The following OSBPL5 variants were observed in gnomAD, a reference collection of about 807,000 sequenced individuals.
OSBPL5 encodes oxysterol binding protein like 5.
OSBPL5 carries 71 observed loss-of-function variants against 111.2 expected under a neutral mutation model. That is an observed-to-expected ratio of 0.64 (90% CI 0.53 to 0.78). The LOEUF is 0.78. Among genes scored for constraint, OSBPL5 ranks in the 30% least tolerant of loss-of-function variants. The probability of loss-of-function intolerance (pLI) is 0.00; values close to 1 mark genes in which losing one functional copy is unlikely to be tolerated. For missense variants in OSBPL5, 1,210 were observed against 1,189.3 expected (o/e 1.02, Z -0.26); for synonymous variants, 549 against 513.9 (o/e 1.07, Z -0.93).
chr11:3,153,565 T>G (rs1308728691), intron 1 of OSBPL5, among the ~76,000 whole-genome samples: 1 of 152,170 alleles, frequency 6.6e-6, no homozygotes, highest in Non-Finnish European at 1.5e-5. Context: ...GCACCGTCGC[T>G]AGGGCTGAGG....
chr11:3,122,455 A>T, intron 3 of OSBPL5, 27 bp from the exon 4 acceptor site: 1 of 1,607,634 alleles, frequency 6.2e-7, no homozygotes, highest in Non-Finnish European at 8.5e-7. Flanking sequence ...GGTATGCGGG[A>T]CAGGGCACAG....
At position 3,093,680 on chromosome 11, in the gene OSBPL5, G is replaced by C. The variant is rs759085132; in HGVS notation, c.1810-17C>G. ...GTCCCTGTCCTGCCCCAGATGGCCAGCGGGGTCAGAGGCTGGCCTGGCGTT... is the reference window on the plus strand; with the variant it reads ...GTCCCTGTCCTGCCCCAGATGGCCACCGGGGTCAGAGGCTGGCCTGGCGTT... On this transcript the variant is annotated splice_polypyrimidine_tract_variant and intron_variant, in intron 16 of 21. Coordinates refer to ENST00000263650, the MANE Select transcript of OSBPL5 (RefSeq NM_020896.4). 2.5e-6 allele frequency: 4 copies of C among 1,613,168 alleles called. No individual in the cohort carries two copies. Among genetic ancestry groups the C allele is most frequent in the Non-Finnish European group, 3.4e-6 (4 of 1,179,910 alleles).
At chr11:3,131,838 T>C (rs1272732718) in intron 1 of OSBPL5, among the ~76,000 whole-genome samples, 3 of 53,798 alleles carry the variant, frequency 5.6e-5, no homozygotes, top group African/African-American at 2.3e-4. Context: ...CCCACTCATC[T>C]ATCCATCCAC....
intron 7 of OSBPL5, among the ~76,000 whole-genome samples, chr11:3,115,179 T>A (rs1858167653): frequency 6.6e-6 from 1 of 152,222 alleles, no homozygotes; most frequent in Non-Finnish European, 1.5e-5. Flanking sequence ...TTCTATACAC[T>A]GCAGAAGGTA....
chr11:3,108,959 G>T (rs1590661007), intron 7 of OSBPL5, among the ~76,000 whole-genome samples: 1 of 152,164 alleles, frequency 6.6e-6, no homozygotes, highest in South Asian at 2.1e-4. Flanking sequence ...GTAGAGACAG[G>T]GTTTCCTCAT....
At chr11:3,116,991 G>A (rs113092051) in intron 7 of OSBPL5, among the ~76,000 whole-genome samples, 2,507 of 152,090 alleles carry the variant, frequency 0.016, 77 homozygotes, top group African/African-American at 0.057. Context: ...GTATACTCCT[G>A]TGAACAAAAT....
In OSBPL5 at chr11:3,142,898, C is replaced by A. The variant is rs1846172533; in HGVS notation, c.-21-13729G>T. On this transcript the variant is annotated intron_variant, in intron 1 of 21. Transcript: ENST00000263650. This position sits in a 1 kb window ranked among gnomAD's most constrained non-coding sequence, Gnocchi z 7.1. The stretch of plus-strand genomic sequence containing the variant: ...AAAGGACAAAACCAGTCACCCAGGA[C>A]AGCGGACGGCACACGGGGTGGGGGT... Among the ~76,000 whole-genome samples the A allele has an allele frequency of 6.6e-6, 1 of 151,540 alleles. No homozygotes were observed. The highest frequency in any genetic ancestry group is 2.4e-5 in the African/African-American group (1 of 41,206).
chr11:3,143,259 C>G (rs976671397), intron 1 of OSBPL5, among the ~76,000 whole-genome samples: 1 of 141,160 alleles, frequency 7.1e-6, no homozygotes, highest in Non-Finnish European at 1.6e-5. Flanking sequence ...AGGTGCGGAG[C>G]GGGGCAGAGG....
chr11:3,108,870 G>A (rs1040311651), intron 7 of OSBPL5, among the ~76,000 whole-genome samples: 1 of 152,200 alleles, frequency 6.6e-6, no homozygotes. Flanking sequence ...CCGGGTTCAA[G>A]CGATTCTCCT....
rs774192603 is a variant in OSBPL5, at chr11:3,114,591, A to ACTTTTTTTTT, written c.691+4955_691+4956insAAAAAAAAAG. Among the ~76,000 whole-genome samples the ACTTTTTTTTT allele has an allele frequency of 1.0e-3, 116 of 113,904 alleles. 40 individuals carry two copies. The highest frequency in any genetic ancestry group is 3.6e-3 in the African/African-American group (102 of 28,412). 74.7% of individuals were successfully genotyped at this position (113,904 alleles called of 152,430 possible). ...GACTAAAGAATTGGTTAGAACAATGATTTTTTTTTTTTTTTTTTTTTTTTT... is the reference window on the plus strand; with the variant it reads ...GACTAAAGAATTGGTTAGAACAATGACTTTTTTTTTTTTTTTTTTTTTTTTTTTTTTTTTT... On this transcript the variant is annotated intron_variant, in intron 7 of 21. Coordinates refer to ENST00000263650, the MANE Select transcript of OSBPL5 (RefSeq NM_020896.4).
Position 3,092,732 on chromosome 11 carries a change from T to A in OSBPL5, c.2132+135A>T. ...GGACTGATGATGGGGGGTGTCACTA[T>A]CTGACCCTCCCCCACCGACTCCTCC... On this transcript the variant is annotated intron_variant, in intron 18 of 21. Transcript: ENST00000263650. The surrounding 1 kb of genome is among the most constrained non-coding windows in gnomAD (Gnocchi z 5.4). 1 of 1,344,860 alleles carries A rather than the reference T, an allele frequency of 7.4e-7. No homozygotes were observed. The allele number at this position is 1,344,860 out of a possible 1,614,324, so 83.3% of individuals were successfully genotyped here. A position where few individuals can be genotyped will look rare whatever the true frequency, so the allele number is the denominator to read the frequency against.
At position 3,093,798 on chromosome 11, in the gene OSBPL5, G is replaced by A. The variant is rs768403377; in HGVS notation, c.1757C>T (p.Ser586Leu). ...TTCCTCTCCCGACGTGATCTTTCCC[G>A]AGATCTGGTTGATGCTGGTGCTACC... Reference protein sequence around the residue: ...FGGSTSINQISGKITSGEEVL... With the variant: ...FGGSTSINQILGKITSGEEVL... Residue 586 changes from serine to leucine, a missense_variant, in exon 16 of 22, where the codon TCG (serine) becomes TTG (leucine). Transcript: ENST00000263650. The A allele has an allele frequency of 2.2e-5, 36 of 1,612,980 alleles. No individual in the cohort carries two copies. Among genetic ancestry groups the A allele is most frequent in the Non-Finnish European group, 3.1e-5 (36 of 1,179,994 alleles).
At chr11:3,150,476 C>A (rs759918340) in intron 1 of OSBPL5, among the ~76,000 whole-genome samples, 10 of 152,106 alleles carry the variant, frequency 6.6e-5, no homozygotes, top group Non-Finnish European at 1.5e-4. Context: ...ACGTCCCACC[C>A]GTCCAAGCTG....
chr11:3,111,307 C>T (rs1318636341), intron 7 of OSBPL5, among the ~76,000 whole-genome samples: 1 of 152,068 alleles, frequency 6.6e-6, no homozygotes, highest in African/African-American at 2.4e-5. Context: ...AGGCAGGTAA[C>T]TCCTTTATGG....
intron 1 of OSBPL5, among the ~76,000 whole-genome samples, chr11:3,135,615 G>C (rs538481971): frequency 2.6e-4 from 40 of 152,312 alleles, no homozygotes; most frequent in Middle Eastern, 6.8e-3. Context: ...GCCCAGGCCA[G>C]ATGGACATGT....
Position 3,093,510 on chromosome 11 carries a change from G to A in OSBPL5, c.1946+17C>T. On this transcript the variant is annotated intron_variant, in intron 17 of 21. Coordinates refer to ENST00000263650, the MANE Select transcript of OSBPL5 (RefSeq NM_020896.4). Reference sequence around the variant, plus strand: ...AGGCTGTGGTCAGCAGGGTCCCTGGGCGCTGACAGGCCTCACCTCTCGGAC... The same window carrying A: ...AGGCTGTGGTCAGCAGGGTCCCTGGACGCTGACAGGCCTCACCTCTCGGAC... 1 of 1,603,768 alleles carries A rather than the reference G, an allele frequency of 6.2e-7. No individual in the cohort carries two copies. Among genetic ancestry groups the A allele is most frequent in the Non-Finnish European group, 8.5e-7 (1 of 1,178,284 alleles).
chr11:3,129,456 A>C (rs1375943784), intron 1 of OSBPL5: 1 of 217,408 alleles, frequency 4.6e-6, no homozygotes, highest in African/African-American at 2.3e-5. Flanking sequence ...TCCTTCTCAG[A>C]ACCCCCACCC....
intron 7 of OSBPL5, among the ~76,000 whole-genome samples, chr11:3,108,843 A>G (rs1042969405): frequency 6.6e-6 from 1 of 152,166 alleles, no homozygotes; most frequent in Non-Finnish European, 1.5e-5. Flanking sequence ...ATCTCAGCTC[A>G]CCGCAACCTC....
In OSBPL5 at chr11:3,165,187, T is replaced by C. The variant is rs531628959; in HGVS notation, c.-22+29A>G. 2,440 of 143,254 alleles carry C rather than the reference T, an allele frequency of 0.017. 21 individuals are homozygous for C. Among genetic ancestry groups the C allele is most frequent in the Middle Eastern group, 0.024 (6 of 246 alleles). 8.9% of individuals were successfully genotyped at this position (143,254 alleles called of 1,614,324 possible). On this transcript the variant is annotated intron_variant, in intron 1 of 21. Coordinates refer to ENST00000263650, the MANE Select transcript of OSBPL5 (RefSeq NM_020896.4). This position sits in a 1 kb window ranked among gnomAD's most constrained non-coding sequence, Gnocchi z 7.4. ...CCAGCCCGCCATCCCCCCGCCGCCC[T>C]GCCGCCCCCCGGGCCGCCGCGCTCC...
Sources: gnomAD v4.1 joint callset for allele counts (sites outside exome capture counted in the v4.1 genomes callset) on GRCh38, gnomAD v4.1.1 for gene constraint, Gnocchi (gnomAD v3.1) non-coding constraint, MANE v1.5 for transcripts, NCBI Gene and HGNC (gene_info 2026-07-23, HGNC 2026-07-21) for gene names.